CFTR: variants seen among roughly 807,000 people sequenced by gnomAD.
The protein encoded by CFTR is cystic fibrosis transmembrane conductance regulator.
Under a neutral mutation model 171.6 loss-of-function variants are expected in CFTR, and 181 were observed. The ratio of observed to expected loss-of-function variants is 1.05; its 90% CI spans 0.93 to 1.19. The LOEUF is 1.19. CFTR is among the 50% of genes most tolerant of loss of function. The pLI is 0.00. For missense variants in CFTR, 1,968 were observed against 1,734.7 expected, an observed-to-expected ratio of 1.13 and a Z score of -2.39; for synonymous variants, 583 against 608.0, an observed-to-expected ratio of 0.96 and a Z score of 0.60.
intron 11 of CFTR, among the ~76,000 whole-genome samples, chr7:117,563,636 G>A (rs571156010): frequency 5.3e-5 from 8 of 152,270 alleles, no homozygotes; most frequent in African/African-American, 1.9e-4. Context: ...GGATTACTTA[G>A]AATTGAGACA....
At chr7:117,514,065 C>T (rs1412805007) in intron 3 of CFTR, among the ~76,000 whole-genome samples, 3 of 152,146 alleles carry the variant, frequency 2.0e-5, no homozygotes. Context: ...AAGTTGAGAA[C>T]TATTTGTAGA....
At chr7:117,644,551 A>G (rs1792970287) in intron 23 of CFTR, among the ~76,000 whole-genome samples, 1 of 152,150 alleles carries the variant, frequency 6.6e-6, no homozygotes, top group African/African-American at 2.4e-5. Flanking sequence ...CTGAGACATT[A>G]GAGATCTCTG....
At chr7:117,620,477 C>T (rs561694242) in intron 21 of CFTR, among the ~76,000 whole-genome samples, 22 of 151,996 alleles carry the variant, frequency 1.4e-4, no homozygotes, top group South Asian at 2.1e-4. Context: ...TGCTACTGTC[C>T]CTGAATGCTA....
intron 17 of CFTR, 73 bp from the exon 18 acceptor site, chr7:117,606,601 T>C: frequency 4.8e-6 from 4 of 831,860 alleles, no homozygotes; most frequent in Non-Finnish European, 8.5e-6. Context: ...GATCCAAACT[T>C]AGTATTGAAT....
intron 23 of CFTR, among the ~76,000 whole-genome samples, chr7:117,651,293 A>G (rs1263364419): frequency 6.6e-6 from 1 of 152,210 alleles, no homozygotes; most frequent in Non-Finnish European, 1.5e-5. Context: ...ACAATATAAA[A>G]TGAAAAATAT....
At chr7:117,654,855 C>A (rs1793144350) in intron 24 of CFTR, among the ~76,000 whole-genome samples, 1 of 152,182 alleles carries the variant, frequency 6.6e-6, no homozygotes, top group Admixed American at 6.5e-5. Context: ...TGGCACGGGG[C>A]AGTTGTAGCC....
intron 11 of CFTR, among the ~76,000 whole-genome samples, chr7:117,560,077 A>G (rs889339233): frequency 6.6e-6 from 1 of 152,144 alleles, no homozygotes; most frequent in African/African-American, 2.4e-5. Context: ...TAATAATACT[A>G]TAGCCTAATG....
At chr7:117,656,164 AT>A (rs1391824047) in intron 24 of CFTR, among the ~76,000 whole-genome samples, 4 of 152,154 alleles carry the variant, frequency 2.6e-5, no homozygotes, top group Admixed American at 1.3e-4. Context: ...CTATACTGGG[AT>A]TATTCCCAGT....
intron 8 of CFTR, among the ~76,000 whole-genome samples, chr7:117,540,966 C>T (rs1431909124): frequency 1.3e-5 from 2 of 152,118 alleles, no homozygotes; most frequent in African/African-American, 2.4e-5. Context: ...AACACACACA[C>T]TCATGTGTGC....
chr7:117,629,147 G>A (rs548477940), intron 22 of CFTR, among the ~76,000 whole-genome samples: 19 of 152,250 alleles, frequency 1.2e-4, no homozygotes, highest in Admixed American at 7.2e-4. Flanking sequence ...GAAGTAATAT[G>A]CTTAGATATT....
At chr7:117,539,977 G>A (rs1179831293) in intron 7 of CFTR, 123 bp from the exon 8 acceptor site, 1 of 777,272 alleles carries the variant, frequency 1.3e-6, no homozygotes. Flanking sequence ...ATATGATGTG[G>A]AGCCAGGTTA....
intron 21 of CFTR, among the ~76,000 whole-genome samples, chr7:117,618,638 A>G (rs1372110536): frequency 6.6e-6 from 1 of 152,192 alleles, no homozygotes; most frequent in Non-Finnish European, 1.5e-5. Flanking sequence ...ATTATAGAAT[A>G]TCTTTCAGTA....
intron 11 of CFTR, among the ~76,000 whole-genome samples, chr7:117,583,486 G>C (rs1791882328): frequency 6.6e-6 from 1 of 152,060 alleles, no homozygotes; most frequent in African/African-American, 2.4e-5. Flanking sequence ...CATTCAAGTT[G>C]CTGCAAAGGC....
At position 117,482,608 on chromosome 7, in the gene CFTR, A is replaced by G. The variant is rs116294435; in HGVS notation, c.53+2461A>G. On this transcript the variant is annotated intron_variant, in intron 1 of 26. Transcript: ENST00000003084. ...AATAACATTTATGAAATAGGAAGCT[A>G]TTTTTAAACTAGAAGTGATATATTA... Among the ~76,000 whole-genome samples, 852 of 152,314 alleles carry G rather than the reference A, an allele frequency of 5.6e-3. 8 individuals carry two copies. Among genetic ancestry groups the G allele is most frequent in the African/African-American group, 0.019 (786 of 41,562 alleles).
intron 19 of CFTR, 74 bp downstream of exon 19, chr7:117,610,743 C>A: frequency 6.6e-7 from 1 of 1,526,084 alleles, no homozygotes; most frequent in Non-Finnish European, 9.0e-7. Context: ...TATTGTTAAT[C>A]TACTTAAAAA....
intron 20 of CFTR, among the ~76,000 whole-genome samples, chr7:117,613,549 G>T (rs1036937393): frequency 1.3e-5 from 2 of 152,050 alleles, no homozygotes; most frequent in Admixed American, 1.3e-4. Context: ...TTAGTATAGT[G>T]CCTGGTCCAT....
rs771364079 is a variant in CFTR at position 117,591,893 on chromosome 7, T to C, written c.1767-41T>C. The C allele has an allele frequency of 9.5e-6, 12 of 1,261,916 alleles. No homozygotes were observed. The East Asian group carries it at 2.7e-4, about 28-fold the overall frequency. 78.2% of individuals were successfully genotyped at this position (1,261,916 alleles called of 1,614,324 possible). A position where few individuals can be genotyped will look rare whatever the true frequency, so the allele number is the denominator to read the frequency against. On this transcript the variant is annotated intron_variant, in intron 13 of 26. Coordinates refer to ENST00000003084, the MANE Select transcript of CFTR (RefSeq NM_000492.4). ...AAATACGAGACATATTGCAATAAAGTATTTATAAAATTGATATTTATATGT... is the reference window on the plus strand; with the variant it reads ...AAATACGAGACATATTGCAATAAAGCATTTATAAAATTGATATTTATATGT...
intron 3 of CFTR, among the ~76,000 whole-genome samples, chr7:117,521,037 A>G (rs371841409): frequency 6.6e-6 from 1 of 152,080 alleles, no homozygotes; most frequent in South Asian, 2.1e-4. Context: ...ATATGTCCCA[A>G]TAATGTTTTG....
intron 3 of CFTR, among the ~76,000 whole-genome samples, chr7:117,520,493 AT>A (rs1230519549): frequency 6.6e-6 from 1 of 151,768 alleles, no homozygotes; most frequent in African/African-American, 2.4e-5. Context: ...TAGAAATCTA[AT>A]TTCAAAAAGA....
Sources: gnomAD v4.1 joint callset for allele counts (sites outside exome capture counted in the v4.1 genomes callset) on GRCh38, gnomAD v4.1.1 for gene constraint, MANE v1.5 for transcripts, NCBI Gene and HGNC (gene_info 2026-07-23, HGNC 2026-07-21) for gene names.